DNAH3: variants seen among roughly 807,000 people sequenced by gnomAD.
The protein encoded by DNAH3 is axonemal beta dynein heavy chain 3.
Under a neutral mutation model 432.5 loss-of-function variants are expected in DNAH3, and 332 were observed. The ratio of observed to expected loss-of-function variants is 0.77; its 90% CI spans 0.70 to 0.84. The LOEUF (loss-of-function observed/expected upper bound fraction) is 0.84. Ranked by LOEUF, DNAH3 falls within the 40% of genes least tolerant of loss-of-function variation. The pLI, the probability that DNAH3 is intolerant of heterozygous loss-of-function variation, is 0.00. For missense variants in DNAH3, 4,861 were observed against 5,114.0 expected (o/e 0.95, Z 1.51); for synonymous variants, 1,956 against 1,900.2 (o/e 1.03, Z -0.76).
At position 20,957,808 on chromosome 16, in the gene DNAH3, C is replaced by CAAAAAAAAAAAAAAAAAAAAA. The variant is rs762197650; in HGVS notation, c.10826+1350_10826+1370dup. On this transcript the variant is annotated intron_variant, in intron 54 of 61. Coordinates refer to ENST00000261383, the Ensembl canonical transcript of DNAH3. ...GGCAATAAGAGCGAAACTCCATCTCCAAAAAAAAAAAAAAAAAAAAAAAAA... is the reference window on the plus strand; with the variant it reads ...GGCAATAAGAGCGAAACTCCATCTCCAAAAAAAAAAAAAAAAAAAAAAAAAAAAAAAAAAAAAAAAAAAAAA... 2.1e-4 allele frequency among the ~76,000 whole-genome samples: 11 copies of CAAAAAAAAAAAAAAAAAAAAA among 53,282 alleles called. 2 individuals are homozygous for CAAAAAAAAAAAAAAAAAAAAA. The highest frequency in any genetic ancestry group is 9.4e-4 in the East Asian group (2 of 2,122). 35.0% of individuals were successfully genotyped at this position (53,282 alleles called of 152,430 possible).
At chr16:20,965,171 G>T (rs758481312) in exon 53 of DNAH3, 1 of 1,613,952 alleles carries the variant, frequency 6.2e-7, no homozygotes, top group Non-Finnish European at 8.5e-7. Flanking sequence ...AGTCGCTCCC[G>T]TTTGGGAGCC....
intron 43 of DNAH3, among the ~76,000 whole-genome samples, chr16:20,998,454 T>A (rs1358327650): frequency 1.3e-5 from 2 of 151,680 alleles, no homozygotes; most frequent in African/African-American, 4.8e-5. Context: ...GGTTTCACCA[T>A]GTTGGCCTGG....
At chr16:21,131,938 T>A (rs935245790) in intron 7 of DNAH3, among the ~76,000 whole-genome samples, 1 of 151,706 alleles carries the variant, frequency 6.6e-6, no homozygotes, top group Non-Finnish European at 1.5e-5. Flanking sequence ...GATTAATTTC[T>A]CTCAAATTAT....
chr16:20,986,669 T>C (rs1406804406), intron 47 of DNAH3, among the ~76,000 whole-genome samples: 1 of 152,112 alleles, frequency 6.6e-6, no homozygotes, highest in African/African-American at 2.4e-5. Flanking sequence ...CTCCACCAAA[T>C]AGAAGTATAG....
chr16:21,022,838 C>T (rs1208267865), intron 39 of DNAH3, among the ~76,000 whole-genome samples: 2 of 151,724 alleles, frequency 1.3e-5, no homozygotes, highest in African/African-American at 4.8e-5. Context: ...TCCGCCCCCA[C>T]TGGGTTCAAG....
intron 1 of DNAH3, among the ~76,000 whole-genome samples, chr16:21,157,915 T>TGG (rs145116590): frequency 0.029 from 4,177 of 146,356 alleles, 79 homozygotes; most frequent in East Asian, 0.079. Flanking sequence ...CAACTGGAGG[T>TGG]GGGGGGGGGC....
exon 48 of DNAH3, chr16:20,985,496 T>A: frequency 6.2e-7 from 1 of 1,614,180 alleles, no homozygotes; most frequent in Non-Finnish European, 8.5e-7. Context: ...ATCCTAGAGA[T>A]GTGCTCAATG....
chr16:21,049,723 C>T, intron 30 of DNAH3, 41 bp from the exon 31 acceptor site: 1 of 1,567,084 alleles, frequency 6.4e-7, no homozygotes, highest in East Asian at 2.2e-5. Context: ...AGGGTGGATT[C>T]CATCCCATCT....
Position 20,946,819 on chromosome 16 carries a change from C to CTTTT in DNAH3, c.11343+1660_11343+1663dup, listed in dbSNP as rs71149199. ...TCCCCTGCCTTTCTGATTGTGAGTC[C>CTTTT]TTTTTTTTTTTTTTTTTTTTTTTTT... On this transcript the variant is annotated intron_variant, in intron 57 of 61. Transcript: ENST00000261383. Among the ~76,000 whole-genome samples, 166 of 70,888 alleles carry CTTTT rather than the reference C, an allele frequency of 2.3e-3. 2 individuals carry two copies. Among genetic ancestry groups the CTTTT allele is most frequent in the African/African-American group, 3.5e-3 (60 of 17,244 alleles). 46.5% of individuals were successfully genotyped at this position (70,888 alleles called of 152,430 possible). A position where few individuals can be genotyped will look rare whatever the true frequency, so the allele number is the denominator to read the frequency against.
exon 52 of DNAH3, chr16:20,969,978 C>T: frequency 1.9e-6 from 3 of 1,613,974 alleles, no homozygotes; most frequent in Non-Finnish European, 2.5e-6. Context: ...GCTAGGTCCC[C>T]CTCACATTCG....
At chr16:20,981,994 ATAT>A (rs916594688) in intron 49 of DNAH3, among the ~76,000 whole-genome samples, 1 of 103,186 alleles carries the variant, frequency 9.7e-6, no homozygotes, top group Non-Finnish European at 2.0e-5. Context: ...TAAAGCACAT[ATAT>A]AATATATAAT....
chr16:21,052,476 A>G (rs2089993918), intron 28 of DNAH3, among the ~76,000 whole-genome samples: 1 of 152,202 alleles, frequency 6.6e-6, no homozygotes, highest in African/African-American at 2.4e-5. Flanking sequence ...GCTGCGTTCA[A>G]ATTCTGATTC....
At chr16:21,152,629 C>A (rs1162546471) in intron 1 of DNAH3, among the ~76,000 whole-genome samples, 1 of 152,364 alleles carries the variant, frequency 6.6e-6, no homozygotes, top group South Asian at 2.1e-4. Flanking sequence ...GGGCTGCGCA[C>A]GGCGCTTGCG....
Position 20,960,300 on chromosome 16 carries a change from T to C in DNAH3, c.10601-896A>G, listed in dbSNP as rs866415350. 2.0e-5 allele frequency among the ~76,000 whole-genome samples: 3 copies of C among 152,252 alleles called. No homozygotes were observed. The Middle Eastern group carries it at 0.01, about 518-fold the overall frequency. On this transcript the variant is annotated intron_variant, in intron 53 of 61. Coordinates refer to ENST00000261383, the Ensembl canonical transcript of DNAH3. ...TTAAAGTTTTAATGTCCATGGGAGA[T>C]ATAGCTTTGCACTCATAAGAGGTGG...
At chr16:21,058,061 G>A (rs778036774) in intron 27 of DNAH3, 25 bp downstream of exon 27, 2 of 1,302,718 alleles carry the variant, frequency 1.5e-6, no homozygotes, top group African/African-American at 1.5e-5. Context: ...GATCTCTTCT[G>A]TAACTTTGCA....
intron 24 of DNAH3, among the ~76,000 whole-genome samples, chr16:21,065,453 G>T (rs1395828053): frequency 2.0e-5 from 3 of 152,070 alleles, no homozygotes; most frequent in African/African-American, 7.2e-5. Context: ...GAGCCACCAC[G>T]CCTGGTCTAT....
At chr16:20,983,818 A>G (rs2086035590) in intron 48 of DNAH3, among the ~76,000 whole-genome samples, 1 of 151,760 alleles carries the variant, frequency 6.6e-6, no homozygotes, top group South Asian at 2.1e-4. Flanking sequence ...TTTCAGACCA[A>G]CCTGGGCAAC....
chr16:21,027,577 C>T (rs1480741715), intron 37 of DNAH3, among the ~76,000 whole-genome samples: 1 of 152,146 alleles, frequency 6.6e-6, no homozygotes, highest in African/African-American at 2.4e-5. Context: ...TGGTGGCTCA[C>T]GCCTGTAATC....
chr16:21,019,676 G>T, exon 41 of DNAH3: 1 of 1,614,070 alleles, frequency 6.2e-7, no homozygotes, highest in Non-Finnish European at 8.5e-7. Flanking sequence ...TGGGCCTTGG[G>T]TGGTTATCAT....
Sources: allele counts gnomAD v4.1 joint callset (sites outside exome capture counted in the v4.1 genomes callset), GRCh38; gene constraint gnomAD v4.1.1; transcripts MANE v1.5; gene names NCBI Gene and HGNC (gene_info 2026-07-23, HGNC 2026-07-21).